Variants in ZNF639 observed in about 807,000 individuals in gnomAD.
ZNF639 encodes the protein zinc finger amplified in esophageal squamous cell carcinomas 1.
Under a neutral mutation model 39.8 loss-of-function variants are expected in ZNF639, and 20 were observed. The observed-to-expected ratio is 0.50, with a 90% CI of 0.35 to 0.73. The LOEUF (loss-of-function observed/expected upper bound fraction) is 0.73. Among genes scored for constraint, ZNF639 ranks in the 30% least tolerant of loss-of-function variants. The probability of loss-of-function intolerance (pLI) is 0.00; values close to 1 mark genes in which losing one functional copy is unlikely to be tolerated. For missense variants in ZNF639, 477 were observed against 566.2 expected, an observed-to-expected ratio of 0.84 and a Z score of 1.60; for synonymous variants, 176 against 189.8, an observed-to-expected ratio of 0.93 and a Z score of 0.60.
intron 4 of ZNF639, among the ~76,000 whole-genome samples, chr3:179,331,651 T>C (rs1727916173): frequency 6.6e-6 from 1 of 151,836 alleles, no homozygotes; most frequent in Non-Finnish European, 1.5e-5. Flanking sequence ...GGTGCGTGCC[T>C]GTAATCCCAG....
chr3:179,333,403 A>G lies in ZNF639; in HGVS notation c.439A>G (p.Ile147Val), dbSNP rs1436282987. The G allele has an allele frequency of 6.2e-7, 1 of 1,614,100 alleles. No homozygotes were observed. Among genetic ancestry groups the G allele is most frequent in the Non-Finnish European group, 8.5e-7 (1 of 1,180,028 alleles). Residue 147 changes from isoleucine to valine, a missense_variant, in exon 6 of 6, where the codon ATT becomes GTT. Coordinates refer to ENST00000496856, the MANE Select transcript of ZNF639 (RefSeq NM_001303426.2). Reference sequence around the variant, plus strand: ...TCCAATTGCTGTAGAAGTGCATGCGATTTCTGAGGATTATGATATAGAGAC... The same window carrying G: ...TCCAATTGCTGTAGAAGTGCATGCGGTTTCTGAGGATTATGATATAGAGAC... ...DVPIAVEVHA[I>V]SEDYDIETEN...
rs534271597 is a variant in ZNF639, at chr3:179,333,194, ATT to A, written c.305-67_305-66del. On this transcript the variant is annotated intron_variant, in intron 5 of 5. Coordinates refer to ENST00000496856, the MANE Select transcript of ZNF639 (RefSeq NM_001303426.2). ...ATTTTAAAAAAAGTGCATGCAATAA[ATT>A]TTTTTTTGCCCAGTTGTATTTAACA... The A allele has an allele frequency of 2.1e-4, 333 of 1,554,414 alleles. No individual in the cohort carries two copies. In the African/African-American group the frequency reaches 4.0e-3, roughly 19 times the overall value.
chr3:179,329,909 C>CTTTTTTTTT (rs71181282), intron 4 of ZNF639, 181 bp downstream of exon 4: 2 of 201,804 alleles, frequency 9.9e-6, no homozygotes, highest in Non-Finnish European at 1.8e-5. Context: ...TTTAACTATT[C>CTTTTTTTTT]TTTTTTTTTT....
rs1711633186 is a variant in ZNF639 at position 179,338,358 on chromosome 3, T to C, written c.*3936T>C. On this transcript the variant is annotated 3_prime_UTR_variant, in exon 6 of 6. Transcript: ENST00000496856. ...ATTTTGAAATTCCAAAACATTTCCC[T>C]GTATTCCAGAAATTGAAAATGGTTG... The C allele has an allele frequency of 6.6e-6, 1 of 152,210 alleles. No homozygotes were observed. The highest frequency in any genetic ancestry group is 1.5e-5 in the Non-Finnish European group (1 of 68,042). 9.4% of individuals were successfully genotyped at this position (152,210 alleles called of 1,614,324 possible).
In ZNF639 at chr3:179,329,714, A is replaced by G; in HGVS notation, c.155A>G (p.Tyr52Cys). 1 of 1,594,796 alleles carries G rather than the reference A, an allele frequency of 6.3e-7. No homozygotes were observed. The highest frequency in any genetic ancestry group is 8.6e-7 in the Non-Finnish European group (1 of 1,168,332). ...TCTATGAGACAGCCAGATTTAAAAT[A>G]TTTTGACAACAAAGGTATATCTAAT... ...VCSMRQPDLK[Y>C]FDNKDDDSDT... Residue 52 changes from tyrosine (Y) to cysteine (C), a missense_variant, in exon 4 of 6, where the codon TAT becomes TGT. By Grantham distance (194) the Tyr-to-Cys change is radical. Transcript: ENST00000496856.
At position 179,336,457 on chromosome 3, in the gene ZNF639, C is replaced by T. The variant is rs755442912; in HGVS notation, c.*2035C>T. ...TATTCTTAGAAGGTATTATTTTTAT[C>T]CCCACTATTTTGTTGTATGTGCATA... On this transcript the variant is annotated 3_prime_UTR_variant, in exon 6 of 6. Transcript: ENST00000496856. The T allele has an allele frequency of 2.0e-5, 3 of 152,192 alleles. No homozygotes were observed. The highest frequency in any genetic ancestry group is 4.4e-5 in the Non-Finnish European group (3 of 68,038). The allele number at this position is 152,192 out of a possible 1,614,324, so 9.4% of individuals were successfully genotyped here. A position where few individuals can be genotyped will look rare whatever the true frequency, so the allele number is the denominator to read the frequency against.
Position 179,332,975 on chromosome 3 carries a change from A to T in ZNF639, c.170-14A>T, listed in dbSNP as rs1025057528. 1.3e-6 allele frequency: 2 copies of T among 1,534,816 alleles called. No individual in the cohort carries two copies. Among genetic ancestry groups the T allele is most frequent in the Non-Finnish European group, 1.8e-6 (2 of 1,141,694 alleles). On this transcript the variant is annotated splice_polypyrimidine_tract_variant and intron_variant, in intron 4 of 5. Coordinates refer to ENST00000496856, the MANE Select transcript of ZNF639 (RefSeq NM_001303426.2). ...GTATAAATAATAAGTATTCTTCCAA[A>T]TCCCTTTTTACAGATGATGATTCTG... is the stretch of plus-strand genomic sequence containing the variant.
rs1711502705 is a variant in ZNF639 at position 179,335,378 on chromosome 3, CATT to C, written c.*959_*961del. 1 of 152,200 alleles carries C rather than the reference CATT, an allele frequency of 6.6e-6. No homozygotes were observed. The highest frequency in any genetic ancestry group is 2.4e-5 in the African/African-American group (1 of 41,442). 9.4% of individuals were successfully genotyped at this position (152,200 alleles called of 1,614,324 possible). On this transcript the variant is annotated 3_prime_UTR_variant, in exon 6 of 6. Transcript: ENST00000496856. ...AATCACTGGGATTATAGGCATGAGCCATTATGCCTGACTCTTGCCCAAATTTCT... is the reference window on the plus strand; with the variant it reads ...AATCACTGGGATTATAGGCATGAGCCATGCCTGACTCTTGCCCAAATTTCT...
chr3:179,327,423 C>A (rs1727659781), intron 1 of ZNF639, 138 bp from the exon 2 acceptor site: 1 of 152,156 alleles, frequency 6.6e-6, no homozygotes, highest in Non-Finnish European at 1.5e-5. Context: ...GTATGTAGTA[C>A]ATTGTTTTCA....
intron 1 of ZNF639, among the ~76,000 whole-genome samples, chr3:179,326,538 T>C (rs1004387066): frequency 2.6e-5 from 4 of 152,198 alleles, no homozygotes; most frequent in Admixed American, 6.5e-5. Context: ...TAGGATTAAA[T>C]GAGATAAAGT....
intron 1 of ZNF639, among the ~76,000 whole-genome samples, chr3:179,326,260 C>G (rs965633611): frequency 1.3e-5 from 2 of 152,112 alleles, no homozygotes; most frequent in African/African-American, 4.8e-5. Context: ...ACTCAGGAGG[C>G]TGAAGCAGGA....
chr3:179,330,478 G>T (rs1221650632), intron 4 of ZNF639, among the ~76,000 whole-genome samples: 3 of 152,156 alleles, frequency 2.0e-5, no homozygotes, highest in African/African-American at 4.8e-5. Flanking sequence ...TAAAGACAGG[G>T]TCTTGCTGTG....
intron 2 of ZNF639, 55 bp from the exon 3 acceptor site, chr3:179,328,228 C>G: frequency 1.0e-6 from 1 of 996,120 alleles, no homozygotes; most frequent in South Asian, 1.5e-5. Context: ...ATTTTTATAA[C>G]GTCATTAACA....
upstream of ZNF639, chr3:179,322,979 C>G (rs1727360517): frequency 1.0e-6 from 1 of 985,068 alleles, no homozygotes; most frequent in Admixed American, 6.2e-5. Context: ...GCGCAGCCCG[C>G]TCCCTGCCCC....
In ZNF639 at chr3:179,330,889, T is replaced by A. The variant is rs137942130; in HGVS notation, c.169+1161T>A. On this transcript the variant is annotated intron_variant, in intron 4 of 5. Coordinates refer to ENST00000496856, the MANE Select transcript of ZNF639 (RefSeq NM_001303426.2). ...TAGATTCAGATGGCTACATACAGAA[T>A]GCTTGTAGATATGTGTGTGTATATA... Among the ~76,000 whole-genome samples the A allele has an allele frequency of 2.7e-3, 414 of 152,344 alleles. 2 individuals carry two copies. The highest frequency in any genetic ancestry group is 9.4e-3 in the African/African-American group (390 of 41,576).
intron 4 of ZNF639, among the ~76,000 whole-genome samples, chr3:179,331,516 C>T (rs1001619768): frequency 5.9e-5 from 9 of 152,194 alleles, no homozygotes; most frequent in East Asian, 3.9e-4. Flanking sequence ...CGGTGGCTCA[C>T]GCCTGTAATC....
chr3:179,332,765 A>G (rs1727986054), intron 4 of ZNF639, among the ~76,000 whole-genome samples: 1 of 152,238 alleles, frequency 6.6e-6, no homozygotes, highest in African/African-American at 2.4e-5. Context: ...AGGAACTTCA[A>G]AAAGTGTAAT....
rs1711533174 is a variant in ZNF639 at position 179,336,584 on chromosome 3, G to A, written c.*2162G>A. ...ACTTAAAATTGTAACAGTTTAAATTGTAAGATAACCTTAGAAAGCATCTGG... is the reference window on the plus strand; with the variant it reads ...ACTTAAAATTGTAACAGTTTAAATTATAAGATAACCTTAGAAAGCATCTGG... On this transcript the variant is annotated 3_prime_UTR_variant, in exon 6 of 6. Coordinates refer to ENST00000496856, the MANE Select transcript of ZNF639 (RefSeq NM_001303426.2). The A allele has an allele frequency of 6.6e-6, 1 of 152,190 alleles. No homozygotes were observed. Among genetic ancestry groups the A allele is most frequent in the South Asian group, 2.1e-4 (1 of 4,830 alleles). The allele number at this position is 152,190 out of a possible 1,614,324, so 9.4% of individuals were successfully genotyped here.
rs376879412 is a variant in ZNF639 at position 179,329,574 on chromosome 3, A to T, written c.59-44A>T. The T allele has an allele frequency of 1.7e-5, 19 of 1,092,576 alleles. No individual in the cohort carries two copies. In the South Asian group the frequency reaches 2.5e-4, roughly 14 times the overall value. The allele number at this position is 1,092,576 out of a possible 1,614,324, so 67.7% of individuals were successfully genotyped here. ...GATAACGGGAAGTTTCTCATTAAAT[A>T]TGTATGTTTACTGTACTTGAAATAT... is the stretch of plus-strand genomic sequence containing the variant. On this transcript the variant is annotated intron_variant, in intron 3 of 5. Coordinates refer to ENST00000496856, the MANE Select transcript of ZNF639 (RefSeq NM_001303426.2).
Sources: allele counts gnomAD v4.1 joint callset (sites outside exome capture counted in the v4.1 genomes callset), GRCh38; gene constraint gnomAD v4.1.1; transcripts MANE v1.5; gene names NCBI Gene and HGNC (gene_info 2026-07-23, HGNC 2026-07-21).